NPAS3: variants seen among roughly 807,000 people sequenced by gnomAD.
NPAS3 encodes neuronal PAS domain protein 3, also known as neuronal PAS domain-containing protein 3.
A neutral mutation model predicts 73.1 loss-of-function variants in NPAS3; 14 were observed. That is an observed-to-expected ratio of 0.19 (90% CI 0.13 to 0.30). NPAS3 has a LOEUF of 0.30. NPAS3 is among the 10% of genes least tolerant of loss of function. NPAS3 has a pLI of 1.00. For missense variants in NPAS3, 1,096 were observed against 1,250.0 expected (o/e 0.88, Z 1.86); for synonymous variants, 620 against 541.5 (o/e 1.14, Z -2.01).
intron 4 of NPAS3, among the ~76,000 whole-genome samples, chr14:33,502,252 A>G (rs1230994243): frequency 6.8e-6 from 1 of 147,512 alleles, no homozygotes; most frequent in Non-Finnish European, 1.5e-5. Flanking sequence ...ATTTAAGTGC[A>G]TTTTCTATGG....
chr14:33,245,873 A>G (rs1462113878), intron 3 of NPAS3, among the ~76,000 whole-genome samples: 1 of 152,134 alleles, frequency 6.6e-6, no homozygotes, highest in Admixed American at 6.5e-5. Flanking sequence ...AAGTGTTACA[A>G]TGTACAATAT....
intron 4 of NPAS3, among the ~76,000 whole-genome samples, chr14:33,545,229 C>G (rs1015560147): frequency 6.6e-6 from 1 of 152,072 alleles, no homozygotes; most frequent in Non-Finnish European, 1.5e-5. Flanking sequence ...CTCCTGTCTC[C>G]TATGTAACAC....
At chr14:33,458,208 A>T (rs1210044080) in intron 4 of NPAS3, among the ~76,000 whole-genome samples, 1 of 152,222 alleles carries the variant, frequency 6.6e-6, no homozygotes, top group Non-Finnish European at 1.5e-5. Context: ...GTTTTTTAAA[A>T]CTTCAGTGGC....
At chr14:32,946,461 T>C (rs1483754853) in intron 1 of NPAS3, among the ~76,000 whole-genome samples, 1 of 152,020 alleles carries the variant, frequency 6.6e-6, no homozygotes, top group Non-Finnish European at 1.5e-5. Context: ...AGGGTTGGTC[T>C]GATACATAAC....
chr14:33,334,556 C>A (rs2044128843), intron 3 of NPAS3, among the ~76,000 whole-genome samples: 1 of 152,142 alleles, frequency 6.6e-6, no homozygotes, highest in Admixed American at 6.6e-5. Context: ...TATATGTCTG[C>A]ATGTTGGGGG....
At chr14:33,307,197 G>A (rs1483771355) in intron 3 of NPAS3, among the ~76,000 whole-genome samples, 4 of 152,104 alleles carry the variant, frequency 2.6e-5, no homozygotes, top group African/African-American at 7.2e-5. Flanking sequence ...ACAATTATAA[G>A]GGAAAAGAGG....
Position 32,990,800 on chromosome 14 carries a change from G to A in NPAS3, c.50+51434G>A, listed in dbSNP as rs373317252. 8.3e-4 allele frequency among the ~76,000 whole-genome samples: 126 copies of A among 151,956 alleles called. 4 individuals are homozygous for A. The South Asian group carries it at 0.024, about 29-fold the overall frequency. ...AAAATAATCAGGCATGGTAGCGCAC[G>A]CCGGTAGTCCCAGCTACTTGGGAGG... On this transcript the variant is annotated intron_variant, in intron 1 of 11. Transcript: ENST00000356141.
chr14:33,212,272 T>C (rs187950967), intron 2 of NPAS3, among the ~76,000 whole-genome samples: 275 of 152,278 alleles, frequency 1.8e-3, no homozygotes, highest in African/African-American at 6.3e-3. Context: ...TTACTACTTA[T>C]TACAGACACA....
At chr14:33,698,312 G>C (rs1291247981) in intron 6 of NPAS3, among the ~76,000 whole-genome samples, 1 of 152,200 alleles carries the variant, frequency 6.6e-6, no homozygotes, top group Non-Finnish European at 1.5e-5. Context: ...GAACACAAAA[G>C]AAAGGTTTTT....
At chr14:33,586,506 AT>A (rs1215187120) in intron 5 of NPAS3, among the ~76,000 whole-genome samples, 1 of 152,182 alleles carries the variant, frequency 6.6e-6, no homozygotes, top group Non-Finnish European at 1.5e-5. Flanking sequence ...ATTATACATA[AT>A]AGTATAAATT....
intron 2 of NPAS3, among the ~76,000 whole-genome samples, chr14:33,165,472 T>A (rs2045098102): frequency 6.6e-6 from 1 of 152,118 alleles, no homozygotes; most frequent in Non-Finnish European, 1.5e-5. Context: ...TAAAGTAGCC[T>A]CAGGGCTAAT....
At chr14:33,229,155 T>A (rs1283215636) in intron 3 of NPAS3, among the ~76,000 whole-genome samples, 1 of 152,196 alleles carries the variant, frequency 6.6e-6, no homozygotes, top group Non-Finnish European at 1.5e-5. Context: ...AGACTACTCA[T>A]GCATATCTCT....
At chr14:33,784,220 G>GT (rs1555333409) in intron 9 of NPAS3, among the ~76,000 whole-genome samples, 2 of 152,118 alleles carry the variant, frequency 1.3e-5, no homozygotes, top group African/African-American at 2.4e-5. Context: ...ATGAGCAGTC[G>GT]TTTTTTTCCT....
chr14:33,699,189 CG>C (rs1346555934), intron 6 of NPAS3, among the ~76,000 whole-genome samples: 3 of 151,942 alleles, frequency 2.0e-5, no homozygotes, highest in Admixed American at 1.3e-4. Context: ...TTCATTTTAA[CG>C]TTTTTAATTG....
intron 3 of NPAS3, among the ~76,000 whole-genome samples, chr14:33,302,682 A>G (rs2140157550): frequency 6.6e-6 from 1 of 152,314 alleles, no homozygotes; most frequent in East Asian, 1.9e-4. Flanking sequence ...CTTTATTCCC[A>G]CAGTCTACGT....
intron 6 of NPAS3, among the ~76,000 whole-genome samples, chr14:33,688,155 G>C (rs763787085): frequency 8.5e-5 from 13 of 152,126 alleles, no homozygotes; most frequent in Admixed American, 7.9e-4. Context: ...CTGAGGTTTG[G>C]TGTACAAATG....
intron 1 of NPAS3, among the ~76,000 whole-genome samples, chr14:32,944,378 G>C (rs2036164052): frequency 6.6e-6 from 1 of 152,146 alleles, no homozygotes; most frequent in African/African-American, 2.4e-5. Context: ...TAGTAAATAA[G>C]TTAGTATGTT....
intron 2 of NPAS3, among the ~76,000 whole-genome samples, chr14:33,208,981 A>C (rs1166820798): frequency 6.6e-6 from 1 of 152,156 alleles, no homozygotes; most frequent in Non-Finnish European, 1.5e-5. Context: ...TATACTCTTG[A>C]TGTTTACAGA....
rs148957094 is a variant in NPAS3, at chr14:33,664,796, A to G, written c.559-11415A>G. Among the ~76,000 whole-genome samples the G allele has an allele frequency of 3.8e-3, 580 of 152,354 alleles. 2 individuals carry two copies. The highest frequency in any genetic ancestry group is 0.013 in the African/African-American group (544 of 41,592). On this transcript the variant is annotated intron_variant, in intron 5 of 11. Transcript: ENST00000356141. ...CTGGCCATCAGAGAAATGCAAATCA[A>G]AACCACAGTGAGATACCATCTCACA...
Sources: allele counts gnomAD v4.1 joint callset (sites outside exome capture counted in the v4.1 genomes callset), GRCh38; gene constraint gnomAD v4.1.1; transcripts MANE v1.5; gene names NCBI Gene and HGNC (gene_info 2026-07-23, HGNC 2026-07-21).